MAP4K3: variants seen among roughly 807,000 people sequenced by gnomAD.
The protein encoded by MAP4K3 is MAPK/ERK kinase kinase kinase 3.
In MAP4K3, 94 loss-of-function variants were observed where a neutral mutation model predicts 143.5. That is an observed-to-expected ratio of 0.65 (90% CI 0.55 to 0.78). The LOEUF is 0.78. Ranked by LOEUF, MAP4K3 falls within the 30% of genes least tolerant of loss-of-function variation. The pLI, the probability that MAP4K3 is intolerant of heterozygous loss-of-function variation, is 0.00. For synonymous variants in MAP4K3, 416 were observed against 347.2 expected, an observed-to-expected ratio of 1.20 and a Z score of -2.20; for missense variants, 1,077 against 1,068.1, an observed-to-expected ratio of 1.01 and a Z score of -0.12.
chr2:39,353,736 T>TAGCAGCAGC (rs150401154), intron 3 of MAP4K3, among the ~76,000 whole-genome samples: 43 of 151,284 alleles, frequency 2.8e-4, no homozygotes, highest in African/African-American at 7.8e-4. Flanking sequence ...GTAGTAGTAG[T>TAGCAGCAGC]AGCAGCAGCA....
rs56011585 is a variant in MAP4K3 at position 39,386,820 on chromosome 2, C to CTTTTTTTTTTTTTTT, written c.97-8698_97-8697insAAAAAAAAAAAAAAA. ...GATTAGTGTAATTTTTTTTGTTGTT[C>CTTTTTTTTTTTTTTT]TTTTTTTTTTTTTGAGACGGAGTCT... On this transcript the variant is annotated intron_variant, in intron 1 of 33. Transcript: ENST00000263881. 3.7e-3 allele frequency among the ~76,000 whole-genome samples: 517 copies of CTTTTTTTTTTTTTTT among 139,012 alleles called. 16 individuals carry two copies. Among genetic ancestry groups the CTTTTTTTTTTTTTTT allele is most frequent in the African/African-American group, 0.013 (485 of 36,222 alleles). The allele number at this position is 139,012 out of a possible 152,430, so 91.2% of individuals were successfully genotyped here. A position where few individuals can be genotyped will look rare whatever the true frequency, so the allele number is the denominator to read the frequency against.
chr2:39,358,748 A>C (rs1665681483), intron 2 of MAP4K3, among the ~76,000 whole-genome samples: 1 of 152,256 alleles, frequency 6.6e-6, no homozygotes, highest in African/African-American at 2.4e-5. Flanking sequence ...AAAGGATTTA[A>C]AGAACTTTGT....
At chr2:39,350,714 T>C (rs771347210) in intron 3 of MAP4K3, among the ~76,000 whole-genome samples, 1 of 152,192 alleles carries the variant, frequency 6.6e-6, no homozygotes, top group Non-Finnish European at 1.5e-5. Flanking sequence ...TTGCCTCTTT[T>C]AATCCCCTCC....
intron 16 of MAP4K3, among the ~76,000 whole-genome samples, chr2:39,295,141 A>G (rs1489939659): frequency 6.6e-6 from 1 of 152,006 alleles, no homozygotes; most frequent in African/African-American, 2.4e-5. Context: ...GTGGACCTCA[A>G]CAAAAAGTGT....
In MAP4K3 at chr2:39,325,532, C is replaced by G. The variant is rs760514071; in HGVS notation, c.904G>C (p.Asp302His). 1.2e-6 allele frequency: 2 copies of G among 1,611,100 alleles called. No homozygotes were observed. The highest frequency in any genetic ancestry group is 2.2e-5 in the South Asian group (2 of 90,908). ...PDHSTYHDFD[D>H]DDPEPLVAVP... is the part of the protein sequence containing the mutation. ...GCAATTCCTACCTCAGGATCATCAT[C>G]ATCGAAATCATGGTAAGTGGAATGA... The change falls in exon 12 of 34, where the codon GAT becomes CAT. Residue 302 changes from aspartate (D) to histidine (H), a missense_variant. Physicochemically the swap from Asp to His is moderately conservative, Grantham distance 81 (BLOSUM62 -1). Coordinates refer to ENST00000263881, the MANE Select transcript of MAP4K3 (RefSeq NM_003618.4).
intron 2 of MAP4K3, among the ~76,000 whole-genome samples, chr2:39,361,114 G>A (rs1665756932): frequency 6.6e-6 from 1 of 152,104 alleles, no homozygotes; most frequent in Non-Finnish European, 1.5e-5. Flanking sequence ...CTTACTAGTT[G>A]TATCATCTCA....
chr2:39,367,536 T>C (rs1437399770), intron 2 of MAP4K3, among the ~76,000 whole-genome samples: 1 of 151,214 alleles, frequency 6.6e-6, no homozygotes, highest in Admixed American at 6.6e-5. Context: ...TGAGACTCTA[T>C]CTAAAAAAAC....
Position 39,283,011 on chromosome 2 carries a change from A to G in MAP4K3, c.1588-457T>C, listed in dbSNP as rs549798259. ...AGCATGGCATAAATATACTTTATTT[A>G]GCTATCCTTAAACATTATTCGGTAT... On this transcript the variant is annotated intron_variant, in intron 21 of 33. Transcript: ENST00000263881. Among the ~76,000 whole-genome samples, 370 of 152,348 alleles carry G rather than the reference A, an allele frequency of 2.4e-3. 1 individual carries two copies. Among genetic ancestry groups the G allele is most frequent in the African/African-American group, 8.5e-3 (355 of 41,592 alleles).
intron 12 of MAP4K3, among the ~76,000 whole-genome samples, chr2:39,324,517 A>T (rs1439047497): frequency 6.6e-6 from 1 of 152,176 alleles, no homozygotes; most frequent in Non-Finnish European, 1.5e-5. Context: ...CAGACCCTTA[A>T]ACAAAAGGAC....
intron 2 of MAP4K3, 90 bp downstream of exon 2, chr2:39,377,974 CAA>C: frequency 1.3e-6 from 1 of 796,582 alleles, no homozygotes; most frequent in African/African-American, 1.8e-5. Flanking sequence ...TTGGGGAAAA[CAA>C]GAGAATGTTA....
rs116408950 is a variant in MAP4K3 at position 39,272,810 on chromosome 2, C to T, written c.1795-268G>A. Reference sequence around the variant, plus strand: ...TCCCTTATGATTAAGGGCTATGTAACCCCAAACTATGCAGGGAATAACAAC... The same window carrying T: ...TCCCTTATGATTAAGGGCTATGTAATCCCAAACTATGCAGGGAATAACAAC... On this transcript the variant is annotated intron_variant, in intron 24 of 33. Coordinates refer to ENST00000263881, the MANE Select transcript of MAP4K3 (RefSeq NM_003618.4). Among the ~76,000 whole-genome samples, 771 of 152,190 alleles carry T rather than the reference C, an allele frequency of 5.1e-3. 3 individuals carry two copies. The highest frequency in any genetic ancestry group is 8.7e-3 in the Non-Finnish European group (590 of 68,010).
chr2:39,274,105 T>G (rs560020256), intron 24 of MAP4K3, among the ~76,000 whole-genome samples: 1 of 152,122 alleles, frequency 6.6e-6, no homozygotes, highest in Admixed American at 6.6e-5. Flanking sequence ...ATATATAAAG[T>G]AGCAAGACAA....
At chr2:39,278,084 C>T (rs1681347647) in intron 24 of MAP4K3, among the ~76,000 whole-genome samples, 2 of 151,436 alleles carry the variant, frequency 1.3e-5, no homozygotes, top group African/African-American at 4.8e-5. Context: ...GAGTTCAAGA[C>T]CAGCCTGGCC....
At chr2:39,348,924 T>C (rs1665372434) in intron 3 of MAP4K3, among the ~76,000 whole-genome samples, 1 of 152,156 alleles carries the variant, frequency 6.6e-6, no homozygotes, top group South Asian at 2.1e-4. Flanking sequence ...CCAAACTAAG[T>C]ATAATTATTT....
chr2:39,274,989 T>A (rs1681186448), intron 24 of MAP4K3, among the ~76,000 whole-genome samples: 4 of 152,196 alleles, frequency 2.6e-5, no homozygotes, highest in Admixed American at 2.6e-4. Context: ...AACCTAATCA[T>A]CAATTTCACA....
At chr2:39,325,864 C>T in intron 10 of MAP4K3, 35 bp downstream of exon 10, 1 of 1,559,748 alleles carries the variant, frequency 6.4e-7, no homozygotes. Flanking sequence ...TTTTGCTCAT[C>T]TCACCATAAA....
Position 39,329,766 on chromosome 2 carries a change from T to C in MAP4K3, c.530+2151A>G, listed in dbSNP as rs534389283. 2.3e-4 allele frequency among the ~76,000 whole-genome samples: 35 copies of C among 152,286 alleles called. 1 individual carries two copies. The South Asian group carries it at 5.8e-3, about 25-fold the overall frequency. ...ACATGATTAAGTAGAAGTACGTATA[T>C]AGAACAATGAACATCTCTGCTTCCT... On this transcript the variant is annotated intron_variant, in intron 8 of 33. Coordinates refer to ENST00000263881, the MANE Select transcript of MAP4K3 (RefSeq NM_003618.4).
chr2:39,318,554 C>T (rs142627040), intron 12 of MAP4K3, among the ~76,000 whole-genome samples: 7 of 152,062 alleles, frequency 4.6e-5, no homozygotes, highest in African/African-American at 9.6e-5. Context: ...CCTGCGATAA[C>T]GGGCTTATAG....
chr2:39,289,736 A>G (rs1195129520), intron 19 of MAP4K3, among the ~76,000 whole-genome samples: 1 of 152,204 alleles, frequency 6.6e-6, no homozygotes, highest in Non-Finnish European at 1.5e-5. Flanking sequence ...AATAACACTA[A>G]TCCATTAATA....
Sources: allele counts gnomAD v4.1 joint callset (sites outside exome capture counted in the v4.1 genomes callset), GRCh38; gene constraint gnomAD v4.1.1; transcripts MANE v1.5; gene names NCBI Gene and HGNC (gene_info 2026-07-23, HGNC 2026-07-21).